The following SLC9C2 variants were observed in gnomAD, a reference collection of about 807,000 sequenced individuals.
The protein encoded by SLC9C2 is sodium/hydrogen exchanger 11.
In SLC9C2, 75 loss-of-function variants were observed where a neutral mutation model predicts 140.2. That is an observed-to-expected ratio of 0.53 (90% CI 0.44 to 0.65). The LOEUF is 0.65. Among genes scored for constraint, SLC9C2 ranks in the 30% least tolerant of loss-of-function variants. SLC9C2 has a pLI of 0.00. For missense variants in SLC9C2, 1,074 were observed against 1,331.8 expected, an observed-to-expected ratio of 0.81 and a Z score of 3.01; for synonymous variants, 375 against 420.9, an observed-to-expected ratio of 0.89 and a Z score of 1.34.
intron 9 of SLC9C2, among the ~76,000 whole-genome samples, chr1:173,564,428 T>C (rs1664315554): frequency 6.6e-6 from 1 of 152,208 alleles, no homozygotes; most frequent in African/African-American, 2.4e-5. Context: ...TACTGTAGTT[T>C]TGAGCTGCAT....
chr1:173,512,091 C>G (rs1029774629), intron 23 of SLC9C2, among the ~76,000 whole-genome samples: 2 of 152,148 alleles, frequency 1.3e-5, no homozygotes, highest in Admixed American at 1.3e-4. Flanking sequence ...AGCGTGATGC[C>G]TCCAGCTTTG....
At chr1:173,506,552 T>C (rs955115734) in intron 25 of SLC9C2, among the ~76,000 whole-genome samples, 15 of 152,306 alleles carry the variant, frequency 9.8e-5, no homozygotes, top group African/African-American at 3.6e-4. Flanking sequence ...TGCCTTGGCG[T>C]AAACTAGGGA....
intron 4 of SLC9C2, among the ~76,000 whole-genome samples, chr1:173,592,007 G>A (rs1666192495): frequency 1.3e-5 from 2 of 152,036 alleles, no homozygotes; most frequent in African/African-American, 4.8e-5. Context: ...TAGGTTTTAT[G>A]TTTAAATCTT....
chr1:173,523,090 T>A (rs9425728), intron 21 of SLC9C2, among the ~76,000 whole-genome samples: 2 of 152,026 alleles, frequency 1.3e-5, no homozygotes, highest in African/African-American at 2.4e-5. Context: ...CAGGGACTTC[T>A]GCCAGGCACA....
chr1:173,570,569 C>T (rs74129115), intron 9 of SLC9C2, among the ~76,000 whole-genome samples: 10,060 of 151,902 alleles, frequency 0.066, 1,186 homozygotes, highest in African/African-American at 0.23. Flanking sequence ...CACTAGGTCA[C>T]GCACTGCCCC....
chr1:173,534,919 C>T (rs1661832301), intron 15 of SLC9C2, among the ~76,000 whole-genome samples: 1 of 151,528 alleles, frequency 6.6e-6, no homozygotes, highest in Admixed American at 6.6e-5. Context: ...AAACTCAAGG[C>T]CACAGTACCC....
chr1:173,508,559 C>T (rs1659814493), intron 24 of SLC9C2, among the ~76,000 whole-genome samples: 2 of 152,098 alleles, frequency 1.3e-5, no homozygotes, highest in South Asian at 4.1e-4. Flanking sequence ...ATTCCAATCC[C>T]CTTATCCCTC....
intron 17 of SLC9C2, among the ~76,000 whole-genome samples, chr1:173,532,939 T>C (rs1010902637): frequency 6.6e-6 from 1 of 152,102 alleles, no homozygotes; most frequent in African/African-American, 2.4e-5. Flanking sequence ...AGAGAGTACA[T>C]ACAATATACA....
chr1:173,508,343 A>G (rs4564180), intron 24 of SLC9C2, among the ~76,000 whole-genome samples: 18,459 of 151,920 alleles, frequency 0.12, 3,760 homozygotes, highest in African/African-American at 0.42. Flanking sequence ...TTAATGTTTT[A>G]TATCTGTACT....
intron 25 of SLC9C2, 94 bp downstream of exon 25, chr1:173,506,762 G>A: frequency 1.9e-6 from 2 of 1,035,764 alleles, no homozygotes; most frequent in Non-Finnish European, 2.8e-6. Flanking sequence ...GTCATTCCAG[G>A]TTAAATTTCT....
intron 9 of SLC9C2, among the ~76,000 whole-genome samples, chr1:173,570,157 A>T (rs552213218): frequency 6.6e-6 from 1 of 152,276 alleles, no homozygotes; most frequent in East Asian, 1.9e-4. Context: ...ACTGTGGCCA[A>T]GCTGGTACCT....
intron 1 of SLC9C2, 110 bp from the exon 2 acceptor site, chr1:173,601,965 AG>A (rs2102289212): frequency 1.5e-6 from 1 of 663,538 alleles, no homozygotes; most frequent in South Asian, 1.9e-5. Flanking sequence ...TTCTTGTCAC[AG>A]GGCACACATT....
intron 27 of SLC9C2, among the ~76,000 whole-genome samples, chr1:173,501,459 G>A (rs146797722): frequency 2.6e-5 from 4 of 151,890 alleles, no homozygotes; most frequent in African/African-American, 9.7e-5. Context: ...TAAGTAATGG[G>A]GGCTGAGACA....
At position 173,603,067 on chromosome 1, in the gene SLC9C2, C is replaced by T. The variant is rs1380154413; in HGVS notation, c.-396G>A. ...CGTCTGTTTGCCAGGGACAGTACTA[C>T]CAACTGATATCACACCAAAATCCAT... On this transcript the variant is annotated 5_prime_UTR_variant, in exon 1 of 28. Transcript: ENST00000367714. 6.6e-6 allele frequency: 1 copy of T among 152,192 alleles called. No homozygotes were observed. The highest frequency in any genetic ancestry group is 2.4e-5 in the African/African-American group (1 of 41,452). 9.4% of individuals were successfully genotyped at this position (152,192 alleles called of 1,614,324 possible). A position where few individuals can be genotyped will look rare whatever the true frequency, so the allele number is the denominator to read the frequency against.
intron 9 of SLC9C2, among the ~76,000 whole-genome samples, chr1:173,569,278 TA>T (rs1664690604): frequency 6.6e-6 from 1 of 151,968 alleles, no homozygotes; most frequent in Non-Finnish European, 1.5e-5. Flanking sequence ...TAAGAGACTC[TA>T]ATGCATTCCT....
intron 4 of SLC9C2, 90 bp downstream of exon 4, chr1:173,597,814 G>T: frequency 8.0e-7 from 1 of 1,253,972 alleles, no homozygotes; most frequent in Non-Finnish European, 1.1e-6. Flanking sequence ...GACATTTTGT[G>T]AATTATTAAT....
Position 173,548,577 on chromosome 1 carries a change from C to A in SLC9C2, c.1298-25G>T, listed in dbSNP as rs1440458683. ...TCTGTGACAAAGACAAAAGCAAAGG[C>A]CTTAATAGAGTACAGTGAGGACTGC... On this transcript the variant is annotated intron_variant, in intron 11 of 27. Transcript: ENST00000367714. The A allele has an allele frequency of 2.5e-6, 4 of 1,612,512 alleles. No individual in the cohort carries two copies. In the Admixed American group the frequency reaches 6.7e-5, roughly 27 times the overall value.
chr1:173,580,082 A>T (rs1460807632), intron 7 of SLC9C2, among the ~76,000 whole-genome samples: 2 of 152,202 alleles, frequency 1.3e-5, no homozygotes, highest in Non-Finnish European at 2.9e-5. Context: ...CAGTAAGGGA[A>T]AAAAGCTTTT....
At chr1:173,520,074 A>ACGGACAGACCTTGCAGTGGT (rs1660700577) in intron 22 of SLC9C2, among the ~76,000 whole-genome samples, 1 of 152,078 alleles carries the variant, frequency 6.6e-6, no homozygotes, top group Non-Finnish European at 1.5e-5. Flanking sequence ...CTTGAACCCG[A>ACGGACAGACCTTGCAGTGGT]CGGACAGACC....
Sources: gnomAD v4.1 joint callset for allele counts (sites outside exome capture counted in the v4.1 genomes callset) on GRCh38, gnomAD v4.1.1 for gene constraint, MANE v1.5 for transcripts, NCBI Gene and HGNC (gene_info 2026-07-23, HGNC 2026-07-21) for gene names.